RP1: variants seen among roughly 807,000 people sequenced by gnomAD.
RP1 encodes the protein RP1 axonemal microtubule associated.
A neutral mutation model predicts 14.8 loss-of-function variants in RP1; 16 were observed. The ratio of observed to expected loss-of-function variants is 1.08; its 90% CI spans 0.73 to 1.65. The LOEUF (loss-of-function observed/expected upper bound fraction) is 1.65, where lower values mean the gene tolerates loss of function less well. Ranked by LOEUF, RP1 falls within the 40% of genes most tolerant of loss-of-function variation. The pLI, the probability that RP1 is intolerant of heterozygous loss-of-function variation, is 0.00. For synonymous variants in RP1, 876 were observed against 883.6 expected, an observed-to-expected ratio of 0.99 and a Z score of 0.15; for missense variants, 2,631 against 2,535.0, an observed-to-expected ratio of 1.04 and a Z score of -0.81.
intron 7 of RP1, among the ~76,000 whole-genome samples, chr8:54,667,108 CT>C (rs960601840): frequency 4.0e-5 from 6 of 151,176 alleles, no homozygotes; most frequent in East Asian, 3.9e-4. Flanking sequence ...GACATGCCAC[CT>C]TTTTTTTTAC....
intron 1 of RP1, among the ~76,000 whole-genome samples, chr8:54,583,003 C>T (rs1254884142): frequency 1.3e-5 from 2 of 152,130 alleles, no homozygotes; most frequent in Non-Finnish European, 2.9e-5. Context: ...CCTTCTCCTG[C>T]CTGATTGCCC....
At chr8:54,654,730 C>T (rs1301784040) in intron 5 of RP1, among the ~76,000 whole-genome samples, 2 of 152,186 alleles carry the variant, frequency 1.3e-5, no homozygotes, top group Non-Finnish European at 1.5e-5. Flanking sequence ...TCACTGCAGC[C>T]TTGACTTCCC....
chr8:54,766,913 A>G (rs927527799), intron 22 of RP1, among the ~76,000 whole-genome samples: 1 of 152,070 alleles, frequency 6.6e-6, no homozygotes, highest in Non-Finnish European at 1.5e-5. Context: ...TTTTTATTCC[A>G]TTCCTTTAAT....
upstream of RP1, among the ~76,000 whole-genome samples, chr8:54,612,720 C>A (rs1308752287): frequency 6.6e-6 from 1 of 152,148 alleles, no homozygotes; most frequent in African/African-American, 2.4e-5. Context: ...GGCTACAGAC[C>A]CTGTATAATT....
intron 13 of RP1, among the ~76,000 whole-genome samples, chr8:54,701,211 A>G (rs1808007928): frequency 6.6e-6 from 1 of 152,190 alleles, no homozygotes; most frequent in Non-Finnish European, 1.5e-5. Flanking sequence ...GATAAGATAC[A>G]TATTAGGATC....
chr8:54,714,101 T>G (rs986327545), intron 15 of RP1, among the ~76,000 whole-genome samples: 2 of 152,148 alleles, frequency 1.3e-5, no homozygotes, highest in South Asian at 2.1e-4. Flanking sequence ...AATTTTTGTA[T>G]TTTTAGTAGA....
At chr8:54,861,400 T>C (rs1409845235) in intron 27 of RP1, among the ~76,000 whole-genome samples, 1 of 152,228 alleles carries the variant, frequency 6.6e-6, no homozygotes, top group Non-Finnish European at 1.5e-5. Context: ...TATGCCCTCT[T>C]TTGTGACATG....
intron 3 of RP1, among the ~76,000 whole-genome samples, chr8:54,637,626 T>A (rs901422181): frequency 1.3e-5 from 2 of 152,202 alleles, no homozygotes; most frequent in African/African-American, 2.4e-5. Flanking sequence ...TGCTTTTTTT[T>A]TCAATTTTAG....
chr8:54,726,341 T>A (rs1183154469), intron 16 of RP1: 2 of 1,517,076 alleles, frequency 1.3e-6, no homozygotes, highest in Admixed American at 4.3e-5. Flanking sequence ...AATCTTAATT[T>A]CAGTTGGCAG....
chr8:54,619,442 A>G (rs1805803805), intron 1 of RP1, among the ~76,000 whole-genome samples: 1 of 152,220 alleles, frequency 6.6e-6, no homozygotes, highest in African/African-American at 2.4e-5. Flanking sequence ...AGGCTGCAGG[A>G]CTTTCTTACT....
At chr8:54,795,438 A>G (rs1400847159) in intron 24 of RP1, among the ~76,000 whole-genome samples, 1 of 152,124 alleles carries the variant, frequency 6.6e-6, no homozygotes, top group Non-Finnish European at 1.5e-5. Flanking sequence ...TGATTTTCAG[A>G]AGGGTTAAAT....
At chr8:54,593,302 A>G (rs1271584987) in intron 1 of RP1, among the ~76,000 whole-genome samples, 1 of 152,168 alleles carries the variant, frequency 6.6e-6, no homozygotes, top group Non-Finnish European at 1.5e-5. Context: ...CCACCATTTT[A>G]TTTCAGGCCT....
At chr8:54,869,892 G>A (rs1260525149) in exon 29 of RP1, 12 of 1,231,784 alleles carry the variant, frequency 9.7e-6, no homozygotes, top group East Asian at 9.5e-5. Context: ...GGAATTGCTC[G>A]CAGAAAGTAG....
At chr8:54,789,998 C>T (rs1476823201) in intron 24 of RP1, among the ~76,000 whole-genome samples, 1 of 152,188 alleles carries the variant, frequency 6.6e-6, no homozygotes, top group Non-Finnish European at 1.5e-5. Flanking sequence ...AGGTCTCTGA[C>T]TAGGAGTGAT....
intron 19 of RP1, among the ~76,000 whole-genome samples, chr8:54,747,416 A>T (rs1809253260): frequency 6.6e-6 from 1 of 152,186 alleles, no homozygotes; most frequent in African/African-American, 2.4e-5. Context: ...CACATCCCTT[A>T]TCTGATATTT....
intron 19 of RP1, among the ~76,000 whole-genome samples, chr8:54,741,707 GTATATATATA>G (rs372225314): frequency 0.011 from 642 of 58,032 alleles, 20 homozygotes; most frequent in East Asian, 0.08. Context: ...AAATGTGTGT[GTATATATATA>G]TATATATATA....
At chr8:54,831,726 A>C (rs1378050365) in intron 24 of RP1, among the ~76,000 whole-genome samples, 1 of 151,822 alleles carries the variant, frequency 6.6e-6, no homozygotes, top group Non-Finnish European at 1.5e-5. Context: ...TTTTATGTAT[A>C]GTATATTTAC....
chr8:54,624,566 T>G, intron 3 of RP1, 104 bp from the exon 4 acceptor site: 1 of 1,119,016 alleles, frequency 8.9e-7, no homozygotes, highest in Non-Finnish European at 1.3e-6. Context: ...ATTTCCCCTT[T>G]TCTCTTTCTT....
chr8:54,563,084 C>T (rs554659485), intron 1 of RP1, among the ~76,000 whole-genome samples: 1 of 152,194 alleles, frequency 6.6e-6, no homozygotes, highest in Non-Finnish European at 1.5e-5. Context: ...TTCCTCAAGC[C>T]TAAATCAGCT....
Sources: gnomAD v4.1 joint callset for allele counts (sites outside exome capture counted in the v4.1 genomes callset) on GRCh38, gnomAD v4.1.1 for gene constraint, MANE v1.5 for transcripts, NCBI Gene and HGNC (gene_info 2026-07-23, HGNC 2026-07-21) for gene names.